TERB1: variants seen among roughly 807,000 people sequenced by gnomAD.
The protein encoded by TERB1 is telomere repeat binding bouquet formation protein 1.
TERB1 carries 63 observed loss-of-function variants against 92.3 expected under a neutral mutation model. That is an observed-to-expected ratio of 0.68 (90% confidence interval 0.56 to 0.84). The LOEUF (loss-of-function observed/expected upper bound fraction) is 0.84. TERB1 is among the 40% of genes least tolerant of loss of function. The probability of loss-of-function intolerance (pLI) is 0.00; values close to 1 mark genes in which losing one functional copy is unlikely to be tolerated. For missense variants in TERB1, 709 were observed against 843.7 expected, an observed-to-expected ratio of 0.84 and a Z score of 1.98; for synonymous variants, 252 against 283.9, an observed-to-expected ratio of 0.89 and a Z score of 1.13.
At chr16:66,793,131 A>G (rs892368108) in intron 3 of TERB1, among the ~76,000 whole-genome samples, 6 of 151,518 alleles carry the variant, frequency 4.0e-5, no homozygotes, top group African/African-American at 1.5e-4. Flanking sequence ...TGGATATAAT[A>G]TAGAGGAGCA....
In TERB1 at chr16:66,791,346, C is replaced by T. The variant is rs1204807684; in HGVS notation, c.32-327G>A. ...AAAAAGTGGATAAAAATGAAAATAA[C>T]AACATATGAGAATTTGTGGGATGCT... On this transcript the variant is annotated intron_variant, in intron 3 of 18. Coordinates refer to ENST00000433154, the MANE Select transcript of TERB1 (RefSeq NM_001136505.2). Among the ~76,000 whole-genome samples the T allele has an allele frequency of 3.3e-5, 5 of 151,394 alleles. No individual in the cohort carries two copies. In the East Asian group the frequency reaches 9.7e-4, roughly 29 times the overall value.
chr16:66,765,849 A>ATTTTTTTTTTT (rs10564947), intron 16 of TERB1, among the ~76,000 whole-genome samples: 4 of 62,460 alleles, frequency 6.4e-5, no homozygotes, highest in Non-Finnish European at 1.1e-4. Flanking sequence ...ACTATTGGGT[A>ATTTTTTTTTTT]TTTTTTTTTT....
chr16:66,771,092 A>G (rs1285848877), intron 13 of TERB1, among the ~76,000 whole-genome samples: 1 of 152,236 alleles, frequency 6.6e-6, no homozygotes, highest in East Asian at 1.9e-4. Context: ...AATAACATTT[A>G]TAAAAAGCTA....
intron 18 of TERB1, among the ~76,000 whole-genome samples, chr16:66,756,553 C>T (rs2018142410): frequency 6.6e-6 from 1 of 152,118 alleles, no homozygotes; most frequent in Non-Finnish European, 1.5e-5. Flanking sequence ...ATTATTCTTT[C>T]ATTTTGGGTG....
In TERB1 at chr16:66,788,316, T is replaced by C; in HGVS notation, c.272-19A>G. 2.0e-6 allele frequency: 3 copies of C among 1,464,192 alleles called. No individual in the cohort carries two copies. Among genetic ancestry groups the C allele is most frequent in the Non-Finnish European group, 2.7e-6 (3 of 1,113,168 alleles). 90.7% of individuals were successfully genotyped at this position (1,464,192 alleles called of 1,614,324 possible). The stretch of plus-strand genomic sequence containing the variant: ...CAGTAAACTGAAATATAAAATATAA[T>C]TTTAATTTCAATGCATTGTCACAAA... On this transcript the variant is annotated intron_variant, in intron 5 of 18. Transcript: ENST00000433154.
chr16:66,787,814 C>T (rs1275202201), intron 6 of TERB1, among the ~76,000 whole-genome samples: 1 of 152,190 alleles, frequency 6.6e-6, no homozygotes, highest in African/African-American at 2.4e-5. Context: ...AAAAAAGACA[C>T]TGGGCCGGGA....
intron 16 of TERB1, among the ~76,000 whole-genome samples, 192 bp downstream of exon 16, chr16:66,767,223 C>T (rs1320916986): frequency 3.3e-5 from 5 of 151,324 alleles, no homozygotes; most frequent in Non-Finnish European, 7.4e-5. Context: ...CCTGTAATCC[C>T]AGCTACTTGG....
At chr16:66,774,005 G>A (rs970586700) in intron 12 of TERB1, among the ~76,000 whole-genome samples, 6 of 151,228 alleles carry the variant, frequency 4.0e-5, no homozygotes, top group East Asian at 1.9e-4. Context: ...TCAGCCTCCC[G>A]AGTAGCTGGG....
chr16:66,787,763 C>T (rs2018753111), intron 6 of TERB1, among the ~76,000 whole-genome samples: 1 of 152,062 alleles, frequency 6.6e-6, no homozygotes, highest in Non-Finnish European at 1.5e-5. Context: ...ATGCTAATAA[C>T]CCACTTTTCT....
intron 9 of TERB1, among the ~76,000 whole-genome samples, chr16:66,779,882 G>C (rs1014372108): frequency 6.6e-6 from 1 of 152,158 alleles, no homozygotes; most frequent in African/African-American, 2.4e-5. Flanking sequence ...ATCCCTGAGA[G>C]TCGTAACTAT....
intron 14 of TERB1, among the ~76,000 whole-genome samples, chr16:66,768,748 C>T (rs2018392444): frequency 6.6e-6 from 1 of 152,010 alleles, no homozygotes; most frequent in African/African-American, 2.4e-5. Flanking sequence ...GGAGCTACTA[C>T]ATAGGAGAAA....
At chr16:66,768,391 T>C (rs1018996422) in intron 14 of TERB1, among the ~76,000 whole-genome samples, 1 of 152,060 alleles carries the variant, frequency 6.6e-6, no homozygotes. Flanking sequence ...GGCAATAGTA[T>C]TGATGCCAGA....
intron 17 of TERB1, 132 bp downstream of exon 17, chr16:66,759,009 T>C: frequency 1.0e-6 from 1 of 978,804 alleles, no homozygotes; most frequent in Non-Finnish European, 1.5e-6. Flanking sequence ...CATCTTCAAT[T>C]ACTTGTTGCT....
intron 3 of TERB1, among the ~76,000 whole-genome samples, chr16:66,792,444 A>G (rs987817977): frequency 7.2e-5 from 11 of 152,228 alleles, no homozygotes; most frequent in Admixed American, 5.9e-4. Context: ...TCAGGTAAGA[A>G]AAAAGAAATA....
In TERB1 at chr16:66,767,642, CAG is replaced by C. The variant is rs529244881; in HGVS notation, c.1685-134_1685-133del. On this transcript the variant is annotated intron_variant, in intron 15 of 18. Coordinates refer to ENST00000433154, the MANE Select transcript of TERB1 (RefSeq NM_001136505.2). ...GCCTCCAGTCATGCTGGTGAATAAA[CAG>C]AAAGATTCTGGATCTTAATGGAAGG... 3.4e-4 allele frequency: 192 copies of C among 561,274 alleles called. 1 individual carries two copies. The highest frequency in any genetic ancestry group is 2.8e-3 in the Admixed American group (76 of 26,754). The allele number at this position is 561,274 out of a possible 1,614,324, so 34.8% of individuals were successfully genotyped here. A position where few individuals can be genotyped will look rare whatever the true frequency, so the allele number is the denominator to read the frequency against.
intron 11 of TERB1, among the ~76,000 whole-genome samples, chr16:66,776,542 AG>A (rs1267410479): frequency 1.3e-5 from 2 of 152,150 alleles, no homozygotes; most frequent in East Asian, 3.9e-4. Context: ...GTAGAAAGTA[AG>A]GGAAGGAAGA....
In TERB1 at chr16:66,769,646, G is replaced by A. The variant is rs979695106; in HGVS notation, c.1619+317C>T. ...TTGTTACTTCAAGTAAAGGGTTTCC[G>A]TTTAGGTTTTATTTTCTGAGTATCC... On this transcript the variant is annotated intron_variant, in intron 14 of 18. Coordinates refer to ENST00000433154, the MANE Select transcript of TERB1 (RefSeq NM_001136505.2). Among the ~76,000 whole-genome samples the A allele has an allele frequency of 5.3e-5, 8 of 152,128 alleles. No individual in the cohort carries two copies. The East Asian group carries it at 1.2e-3, about 22-fold the overall frequency.
intron 3 of TERB1, among the ~76,000 whole-genome samples, chr16:66,796,376 T>A (rs1597029032): frequency 6.6e-6 from 1 of 152,202 alleles, no homozygotes; most frequent in African/African-American, 2.4e-5. Context: ...CTTCCTCAGC[T>A]AAAACCTTAT....
intron 16 of TERB1, among the ~76,000 whole-genome samples, chr16:66,760,673 C>T (rs1159783578): frequency 7.9e-6 from 1 of 126,482 alleles, no homozygotes; most frequent in African/African-American, 3.1e-5. Context: ...GTAGTCCCAG[C>T]TACTTGGGAG....
Sources: allele counts gnomAD v4.1 joint callset (sites outside exome capture counted in the v4.1 genomes callset), GRCh38; gene constraint gnomAD v4.1.1; transcripts MANE v1.5; gene names NCBI Gene and HGNC (gene_info 2026-07-23, HGNC 2026-07-21).